The following ST3GAL3 variants were observed in gnomAD, a reference collection of about 807,000 sequenced individuals.
The protein encoded by ST3GAL3 is CMP-N-acetylneuraminate-beta-1,4-galactoside alpha-2,3-sialyltransferase.
Under a neutral mutation model 50.1 loss-of-function variants are expected in ST3GAL3, and 21 were observed. The observed-to-expected ratio is 0.42, with a 90% CI of 0.30 to 0.60. The LOEUF is 0.60. Ranked by LOEUF, ST3GAL3 falls within the 20% of genes least tolerant of loss-of-function variation. The probability of loss-of-function intolerance (pLI) is 0.19; values close to 1 mark genes in which losing one functional copy is unlikely to be tolerated. For synonymous variants in ST3GAL3, 183 were observed against 190.0 expected, an observed-to-expected ratio of 0.96 and a Z score of 0.30; for missense variants, 353 against 489.4, an observed-to-expected ratio of 0.72 and a Z score of 2.63.
intron 2 of ST3GAL3, among the ~76,000 whole-genome samples, chr1:43,756,916 A>AT (rs1295503681): frequency 1.3e-5 from 2 of 151,958 alleles, no homozygotes; most frequent in East Asian, 3.9e-4. Context: ...GTTTTATTTT[A>AT]TTTTTTGAGG....
chr1:43,898,507 A>G, intron 7 of ST3GAL3: 2 of 641,440 alleles, frequency 3.1e-6, no homozygotes, highest in Non-Finnish European at 5.7e-6. Context: ...TTGGCAGGAC[A>G]TCCCAGTCCT....
intron 5 of ST3GAL3, among the ~76,000 whole-genome samples, chr1:43,855,444 T>C (rs2154218749): frequency 6.6e-6 from 1 of 152,142 alleles, no homozygotes; most frequent in Middle Eastern, 3.4e-3. Context: ...ACCCCATTTA[T>C]ACTAAAAATA....
chr1:43,882,374 G>C lies in ST3GAL3; in HGVS notation c.303-12009G>C, dbSNP rs185540032. On this transcript the variant is annotated intron_variant, in intron 5 of 11. Transcript: ENST00000347631. ...AGAGGGGGTATCTGAGGCTGGAGAG[G>C]TAGACAGGAGCCTTGTAAATCAGAC... 7.9e-5 allele frequency among the ~76,000 whole-genome samples: 12 copies of C among 152,312 alleles called. 1 individual carries two copies. Among genetic ancestry groups the C allele is most frequent in the Admixed American group, 6.5e-4 (10 of 15,294 alleles).
At chr1:43,824,636 T>C in intron 4 of ST3GAL3, 1 of 1,466,548 alleles carries the variant, frequency 6.8e-7, no homozygotes, top group African/African-American at 1.4e-5. Context: ...CTTCATGACA[T>C]CTAGCATTTT....
chr1:43,872,198 G>A (rs971733003), intron 5 of ST3GAL3, among the ~76,000 whole-genome samples: 7 of 107,724 alleles, frequency 6.5e-5, no homozygotes, highest in East Asian at 6.4e-4. Context: ...GGACAGGAGG[G>A]GGTGTATTGA....
chr1:43,899,643 C>T lies in ST3GAL3; in HGVS notation c.660C>T (p.Tyr220=), dbSNP rs201204481. 9.5e-5 allele frequency: 154 copies of T among 1,614,162 alleles called. 2 individuals are homozygous for T. In the Admixed American group the frequency reaches 2.2e-3, roughly 23 times the overall value. ...GCGCCATGCAGCGGCCTGAGCAGTA[C>T]GAGCGCGATTCTCTCTTTGTCCTCG... ...PEGAMQRPEQ[Y]ERDSLFVLAG... The change falls in exon 9 of 12, where the codon TAC becomes TAT. Residue 220 remains tyrosine (Y), a synonymous_variant. Coordinates refer to ENST00000347631, the MANE Select transcript of ST3GAL3 (RefSeq NM_006279.5). This position sits in a 1 kb window ranked among gnomAD's most constrained non-coding sequence, Gnocchi z 5.4.
At chr1:43,756,116 A>AAAAAAAAAAAAAAAAAAAAAG in intron 2 of ST3GAL3, among the ~76,000 whole-genome samples, 1 of 136,816 alleles carries the variant, frequency 7.3e-6, no homozygotes, top group Non-Finnish European at 1.6e-5. Context: ...AAAAAAAAAA[A>AAAAAAAAAAAAAAAAAAAAAG]AAGAAGAAGA....
At chr1:43,850,539 A>G (rs1359825237) in intron 5 of ST3GAL3, 2 of 684,464 alleles carry the variant, frequency 2.9e-6, no homozygotes, top group Non-Finnish European at 5.5e-6. Flanking sequence ...TGGGTTCCCC[A>G]GCCGCAGTCC....
rs150759247 is a variant in ST3GAL3 at position 43,719,685 on chromosome 1, T to C, written c.-31+11992T>C. Among the ~76,000 whole-genome samples the C allele has an allele frequency of 4.2e-3, 607 of 143,502 alleles. 4 individuals carry two copies. The highest frequency in any genetic ancestry group is 0.015 in the African/African-American group (572 of 39,294). 94.1% of individuals were successfully genotyped at this position (143,502 alleles called of 152,430 possible). A position where few individuals can be genotyped will look rare whatever the true frequency, so the allele number is the denominator to read the frequency against. ...GTCTCAAAAAAAAAAGAATAAGCGG[T>C]GGCTTGGGAGGCTGAGGTGGGCGGA... On this transcript the variant is annotated intron_variant, in intron 1 of 11. Coordinates refer to ENST00000347631, the MANE Select transcript of ST3GAL3 (RefSeq NM_006279.5).
intron 9 of ST3GAL3, among the ~76,000 whole-genome samples, chr1:43,916,234 G>A (rs960627711): frequency 6.6e-6 from 1 of 152,248 alleles, no homozygotes; most frequent in African/African-American, 2.4e-5. Flanking sequence ...GGGCTTTGGA[G>A]TGTTCAGCAG....
intron 4 of ST3GAL3, among the ~76,000 whole-genome samples, chr1:43,823,217 C>A (rs2062333853): frequency 1.3e-5 from 2 of 152,136 alleles, no homozygotes; most frequent in African/African-American, 2.4e-5. Context: ...CAAGATAGAT[C>A]TTGTTACTCC....
chr1:43,884,264 A>T (rs537019537), intron 5 of ST3GAL3, among the ~76,000 whole-genome samples: 1 of 152,036 alleles, frequency 6.6e-6, no homozygotes, highest in African/African-American at 2.4e-5. Flanking sequence ...TTGTCTCTTT[A>T]CCTCTGAGCT....
intron 9 of ST3GAL3, among the ~76,000 whole-genome samples, chr1:43,911,660 T>C (rs2080931432): frequency 1.4e-5 from 2 of 146,456 alleles, no homozygotes; most frequent in African/African-American, 5.5e-5. Flanking sequence ...TCTGTAGCTA[T>C]AGATATCTAT....
At chr1:43,844,877 CT>C (rs1375627396) in intron 5 of ST3GAL3, among the ~76,000 whole-genome samples, 1 of 151,962 alleles carries the variant, frequency 6.6e-6, no homozygotes, top group Non-Finnish European at 1.5e-5. Flanking sequence ...CTTAGTGCCC[CT>C]ATCTGTAAGG....
intron 5 of ST3GAL3, chr1:43,850,982 G>T: frequency 3.4e-6 from 3 of 892,864 alleles, no homozygotes; most frequent in South Asian, 1.3e-5. Flanking sequence ...TCAGGTTCTT[G>T]TGAGTGGTGG....
In ST3GAL3 at chr1:43,872,609, G is replaced by A. The variant is rs201106570; in HGVS notation, c.303-21774G>A. On this transcript the variant is annotated intron_variant, in intron 5 of 11. Transcript: ENST00000347631. ...ATCCACGAGGTAGTAGGTATTATTA[G>A]CCCCTTTTTACAGTCATTCAACAAA... is the stretch of plus-strand genomic sequence containing the variant. 2.6e-5 allele frequency among the ~76,000 whole-genome samples: 4 copies of A among 152,150 alleles called. No homozygotes were observed. In the East Asian group the frequency reaches 7.7e-4, roughly 29 times the overall value.
At position 43,824,809 on chromosome 1, in the gene ST3GAL3, G is replaced by A. The variant is rs1237830310; in HGVS notation, c.209+9876G>A. ...CACCTGGAGAGCCTAAAAAATTACT[G>A]ATGCCTGCATCCCACCCTCTAGAGA... On this transcript the variant is annotated intron_variant, in intron 4 of 11. Transcript: ENST00000347631. The A allele has an allele frequency of 5.9e-6, 8 of 1,347,956 alleles. No individual in the cohort carries two copies. In the Admixed American group the frequency reaches 1.0e-4, roughly 17 times the overall value. 83.5% of individuals were successfully genotyped at this position (1,347,956 alleles called of 1,614,324 possible).
chr1:43,928,826 T>A (rs1202586484), intron 11 of ST3GAL3, among the ~76,000 whole-genome samples: 2 of 151,854 alleles, frequency 1.3e-5, no homozygotes, highest in African/African-American at 4.8e-5. Flanking sequence ...GGAGAATCGC[T>A]TGAACCTGGG....
chr1:43,812,016 C>T (rs77715956), intron 3 of ST3GAL3, among the ~76,000 whole-genome samples: 2,302 of 152,234 alleles, frequency 0.015, 24 homozygotes, highest in Middle Eastern at 0.031. Context: ...CTTATAGACC[C>T]GGCTAAAATT....
Sources: gnomAD v4.1 joint callset for allele counts (sites outside exome capture counted in the v4.1 genomes callset) on GRCh38, gnomAD v4.1.1 for gene constraint, Gnocchi (gnomAD v3.1) non-coding constraint, MANE v1.5 for transcripts, NCBI Gene and HGNC (gene_info 2026-07-23, HGNC 2026-07-21) for gene names.